The following HMBOX1 variants were observed in gnomAD, a reference collection of about 807,000 sequenced individuals.
HMBOX1 encodes homeobox containing 1, also known as homeobox-containing protein 1.
Under a neutral mutation model 54.5 loss-of-function variants are expected in HMBOX1, and 14 were observed. That is an observed-to-expected ratio of 0.26 (90% confidence interval 0.17 to 0.40). The LOEUF (loss-of-function observed/expected upper bound fraction) is 0.40, where lower values mean the gene tolerates loss of function less well. Ranked by LOEUF, HMBOX1 falls within the 10% of genes least tolerant of loss-of-function variation. The pLI is 1.00. For synonymous variants in HMBOX1, 160 were observed against 181.0 expected, an observed-to-expected ratio of 0.88 and a Z score of 0.93; for missense variants, 332 against 514.4, an observed-to-expected ratio of 0.65 and a Z score of 3.43.
At chr8:28,984,951 AT>A (rs1563525911) in intron 4 of HMBOX1, among the ~76,000 whole-genome samples, 1 of 152,212 alleles carries the variant, frequency 6.6e-6, no homozygotes, top group Non-Finnish European at 1.5e-5. Flanking sequence ...ATTTTAAGAA[AT>A]TTACCATAAT....
At chr8:28,954,384 A>G (rs996305341) in intron 1 of HMBOX1, among the ~76,000 whole-genome samples, 8 of 152,120 alleles carry the variant, frequency 5.3e-5, no homozygotes, top group African/African-American at 1.9e-4. Context: ...TCTATGTAGT[A>G]TCCCCCATCA....
intron 6 of HMBOX1, among the ~76,000 whole-genome samples, chr8:29,037,192 A>C (rs1804032135): frequency 6.6e-6 from 1 of 152,174 alleles, no homozygotes; most frequent in African/African-American, 2.4e-5. Context: ...TATTTTATTA[A>C]GTCTGTGGAG....
At chr8:28,974,528 G>T (rs1226592673) in intron 3 of HMBOX1, among the ~76,000 whole-genome samples, 1 of 152,048 alleles carries the variant, frequency 6.6e-6, no homozygotes, top group Admixed American at 6.6e-5. Flanking sequence ...TAAATTTTAT[G>T]ATATGTTAGT....
chr8:28,891,683 G>T (rs1453877563), intron 1 of HMBOX1: 3 of 152,280 alleles, frequency 2.0e-5, no homozygotes, highest in Non-Finnish European at 4.4e-5. Context: ...TTATTTGCGG[G>T]AGAGGGGGTG....
At chr8:28,966,176 T>C (rs772428881) in intron 2 of HMBOX1, among the ~76,000 whole-genome samples, 4 of 152,224 alleles carry the variant, frequency 2.6e-5, no homozygotes, top group Non-Finnish European at 5.9e-5. Context: ...AAGTATATTC[T>C]AGACCTCATG....
At chr8:28,890,193 G>T, upstream of HMBOX1, 1 of 393,266 alleles carries the variant, frequency 2.5e-6, no homozygotes, top group Non-Finnish European at 4.8e-6. Context: ...CGGGCCTGGG[G>T]CCCATGGTGT....
chr8:28,962,513 A>G (rs1048973049), intron 1 of HMBOX1, among the ~76,000 whole-genome samples: 7 of 152,130 alleles, frequency 4.6e-5, no homozygotes, highest in Non-Finnish European at 8.8e-5. Flanking sequence ...TGATTACAGA[A>G]TAAAGGTCAG....
At chr8:28,914,309 G>T (rs1816098583) in intron 1 of HMBOX1, among the ~76,000 whole-genome samples, 1 of 152,020 alleles carries the variant, frequency 6.6e-6, no homozygotes, top group African/African-American at 2.4e-5. Flanking sequence ...TGTCAAAGAG[G>T]ATATTAGAAA....
intron 1 of HMBOX1, among the ~76,000 whole-genome samples, chr8:28,914,458 C>T (rs184684087): frequency 1.6e-4 from 24 of 152,294 alleles, no homozygotes; most frequent in South Asian, 4.1e-4. Context: ...TTAAAAAAAT[C>T]GCCTCATCAG....
chr8:28,900,072 A>C (rs778336715), intron 1 of HMBOX1, among the ~76,000 whole-genome samples: 4 of 151,658 alleles, frequency 2.6e-5, no homozygotes, highest in Non-Finnish European at 5.9e-5. Flanking sequence ...AACATGGTGA[A>C]ACCCTGTTTC....
chr8:28,911,730 G>T (rs13278232), intron 1 of HMBOX1, among the ~76,000 whole-genome samples: 147,946 of 152,172 alleles, frequency 0.97, 71,933 homozygotes, highest in East Asian at 1. Flanking sequence ...AAGAGGGTTC[G>T]TTCTGGTTGT....
chr8:28,920,843 T>G (rs1360291379), intron 1 of HMBOX1, among the ~76,000 whole-genome samples: 1 of 152,158 alleles, frequency 6.6e-6, no homozygotes, highest in Non-Finnish European at 1.5e-5. Flanking sequence ...CTAGGGTAAG[T>G]GAAATTTAAG....
At chr8:29,021,760 T>C (rs1801205015) in intron 6 of HMBOX1, among the ~76,000 whole-genome samples, 1 of 149,722 alleles carries the variant, frequency 6.7e-6, no homozygotes, top group Admixed American at 6.7e-5. Flanking sequence ...CTCGGGAGGC[T>C]GAGGCAGGAG....
intron 7 of HMBOX1, among the ~76,000 whole-genome samples, chr8:29,046,760 C>T (rs1434587043): frequency 3.3e-5 from 5 of 152,136 alleles, no homozygotes; most frequent in Admixed American, 6.6e-5. Context: ...GTGGGCAGAT[C>T]GCCTGAGCCC....
At chr8:28,937,067 A>G (rs921627243) in intron 1 of HMBOX1, among the ~76,000 whole-genome samples, 3 of 152,182 alleles carry the variant, frequency 2.0e-5, no homozygotes. Context: ...TTGTCAGTGT[A>G]CCACCTTTCC....
At chr8:28,953,181 G>T (rs909249860) in intron 1 of HMBOX1, among the ~76,000 whole-genome samples, 1 of 152,192 alleles carries the variant, frequency 6.6e-6, no homozygotes, top group Non-Finnish European at 1.5e-5. Context: ...ACTATCAGGA[G>T]GCATTATTTG....
intron 1 of HMBOX1, among the ~76,000 whole-genome samples, chr8:28,953,258 C>T (rs1203148458): frequency 3.3e-5 from 5 of 152,108 alleles, no homozygotes; most frequent in African/African-American, 4.8e-5. Context: ...CTTGTGTCAC[C>T]AACCATCCTT....
intron 1 of HMBOX1, among the ~76,000 whole-genome samples, chr8:28,954,039 T>C (rs1338701440): frequency 6.6e-6 from 1 of 152,152 alleles, no homozygotes; most frequent in Non-Finnish European, 1.5e-5. Flanking sequence ...TGCTGGAGTT[T>C]CATGATATTT....
chr8:28,900,033 G>A (rs1031345660), intron 1 of HMBOX1, among the ~76,000 whole-genome samples: 1 of 151,900 alleles, frequency 6.6e-6, no homozygotes, highest in Non-Finnish European at 1.5e-5. Context: ...GGCGGATCAT[G>A]AGATCAGGAG....
Sources: allele counts gnomAD v4.1 joint callset (sites outside exome capture counted in the v4.1 genomes callset), GRCh38; gene constraint gnomAD v4.1.1; transcripts MANE v1.5; gene names NCBI Gene and HGNC (gene_info 2026-07-23, HGNC 2026-07-21).